Variants in ARID4B observed in about 807,000 individuals in gnomAD.
ARID4B encodes AT-rich interaction domain 4B, also known as AT-rich interactive domain-containing protein 4B.
Under a neutral mutation model 147.5 loss-of-function variants are expected in ARID4B, and 26 were observed. That is an observed-to-expected ratio of 0.18 (90% CI 0.13 to 0.24). ARID4B has a LOEUF of 0.24. Ranked by LOEUF, ARID4B falls within the 10% of genes least tolerant of loss-of-function variation. The probability of loss-of-function intolerance (pLI) is 1.00; values close to 1 mark genes in which losing one functional copy is unlikely to be tolerated. For missense variants in ARID4B, 1,179 were observed against 1,511.5 expected (o/e 0.78, Z 3.65); for synonymous variants, 512 against 507.9 (o/e 1.01, Z -0.11).
chr1:235,223,421 GTA>G (rs35086103), intron 12 of ARID4B, among the ~76,000 whole-genome samples, 161 bp from the exon 13 acceptor site: 58,050 of 135,534 alleles, frequency 0.43, 12,897 homozygotes, highest in South Asian at 0.6. Context: ...ACATATATAT[GTA>G]TATATATATA....
chr1:235,235,899 T>C (rs1233735643), intron 8 of ARID4B, among the ~76,000 whole-genome samples: 1 of 152,062 alleles, frequency 6.6e-6, no homozygotes, highest in Non-Finnish European at 1.5e-5. Context: ...TGCATGGTAG[T>C]TATTTATAGT....
At chr1:235,322,831 G>T (rs754827595) in intron 2 of ARID4B, among the ~76,000 whole-genome samples, 3 of 151,750 alleles carry the variant, frequency 2.0e-5, no homozygotes, top group East Asian at 3.9e-4. Context: ...GAACAGAGAG[G>T]GGGGAACGAA....
At chr1:235,298,517 A>T (rs1256932692) in intron 2 of ARID4B, among the ~76,000 whole-genome samples, 2 of 148,524 alleles carry the variant, frequency 1.3e-5, no homozygotes, top group African/African-American at 4.9e-5. Flanking sequence ...TATGAATATA[A>T]CGTATATTTA....
intron 2 of ARID4B, among the ~76,000 whole-genome samples, chr1:235,267,659 C>T (rs1670692773): frequency 6.6e-6 from 1 of 152,040 alleles, no homozygotes; most frequent in Admixed American, 6.6e-5. Flanking sequence ...GGTGAAACCC[C>T]GTCTCTACTA....
chr1:235,190,827 TC>T (rs925867271), intron 19 of ARID4B, among the ~76,000 whole-genome samples: 1 of 151,924 alleles, frequency 6.6e-6, no homozygotes, highest in African/African-American at 2.4e-5. Context: ...TTAAAGGAGA[TC>T]CCTAGAATGG....
chr1:235,315,464 T>C (rs1321474250), intron 2 of ARID4B, among the ~76,000 whole-genome samples: 1 of 152,232 alleles, frequency 6.6e-6, no homozygotes, highest in East Asian at 1.9e-4. Flanking sequence ...CTGTCCAAGA[T>C]ATAGTGTAAG....
intron 2 of ARID4B, among the ~76,000 whole-genome samples, chr1:235,313,713 C>T (rs112504298): frequency 2.2e-4 from 34 of 152,144 alleles, no homozygotes; most frequent in African/African-American, 7.7e-4. Context: ...CAAGGAAAGA[C>T]GGGAGCAAAT....
chr1:235,229,176 A>T (rs767047620), intron 11 of ARID4B, 55 bp downstream of exon 11: 4 of 1,572,484 alleles, frequency 2.5e-6, no homozygotes, highest in Non-Finnish European at 3.4e-6. Flanking sequence ...CTAACCCACA[A>T]GGGAAACCCA....
chr1:235,209,581 T>TTA (rs1666573652), intron 17 of ARID4B, among the ~76,000 whole-genome samples: 1 of 150,390 alleles, frequency 6.6e-6, no homozygotes. Flanking sequence ...TTTTTTTTTT[T>TTA]GAGATGGAGT....
At chr1:235,247,351 T>A (rs996980244) in intron 6 of ARID4B, among the ~76,000 whole-genome samples, 3 of 152,204 alleles carry the variant, frequency 2.0e-5, no homozygotes, top group African/African-American at 7.2e-5. Flanking sequence ...TAATGTAATA[T>A]GTAAAAAGAA....
At chr1:235,282,572 G>A (rs922927335) in intron 2 of ARID4B, among the ~76,000 whole-genome samples, 2 of 152,120 alleles carry the variant, frequency 1.3e-5, no homozygotes, top group African/African-American at 4.8e-5. Context: ...CACTGTTTCT[G>A]TGGATTTCTG....
intron 19 of ARID4B, among the ~76,000 whole-genome samples, chr1:235,192,617 A>G (rs3765792): frequency 0.27 from 41,454 of 151,638 alleles, 7,219 homozygotes; most frequent in South Asian, 0.53. Context: ...TTAACATTCA[A>G]AATAAGTAAA....
chr1:235,177,542 G>GGT (rs1663974503), intron 21 of ARID4B: 2 of 285,642 alleles, frequency 7.0e-6, no homozygotes, highest in South Asian at 1.7e-4. Context: ...TTGTTACATA[G>GGT]GTATACATGT....
chr1:235,197,483 T>C (rs553902412), intron 17 of ARID4B, among the ~76,000 whole-genome samples: 12 of 152,186 alleles, frequency 7.9e-5, no homozygotes, highest in Non-Finnish European at 1.8e-4. Context: ...TTGTAGCCAG[T>C]AAAAGCCAGA....
chr1:235,207,506 TATA>T (rs954504594), intron 17 of ARID4B, among the ~76,000 whole-genome samples: 9 of 152,142 alleles, frequency 5.9e-5, no homozygotes, highest in Non-Finnish European at 1.2e-4. Flanking sequence ...AAGAAGTGAT[TATA>T]ATAATAATGC....
At chr1:235,233,128 C>T (rs779870031) in intron 9 of ARID4B, among the ~76,000 whole-genome samples, 1 of 152,122 alleles carries the variant, frequency 6.6e-6, no homozygotes, top group Non-Finnish European at 1.5e-5. Flanking sequence ...TGAGCCACCG[C>T]GCCCAGCCTA....
intron 2 of ARID4B, among the ~76,000 whole-genome samples, chr1:235,313,490 G>A (rs1398831138): frequency 1.3e-5 from 2 of 151,850 alleles, no homozygotes; most frequent in African/African-American, 4.8e-5. Flanking sequence ...ACAGTCATTC[G>A]CCCTACCTGC....
At chr1:235,283,989 G>C (rs1174997244) in intron 2 of ARID4B, among the ~76,000 whole-genome samples, 1 of 151,844 alleles carries the variant, frequency 6.6e-6, no homozygotes, top group East Asian at 1.9e-4. Flanking sequence ...CGCCTGCCTC[G>C]GCCTCCCAAA....
chr1:235,306,955 A>G (rs1033529376), intron 2 of ARID4B, among the ~76,000 whole-genome samples: 1 of 152,170 alleles, frequency 6.6e-6, no homozygotes, highest in Non-Finnish European at 1.5e-5. Context: ...ACACTGTACC[A>G]TGCCAAATAA....
Sources: allele counts gnomAD v4.1 joint callset (sites outside exome capture counted in the v4.1 genomes callset), GRCh38; gene constraint gnomAD v4.1.1; transcripts MANE v1.5; gene names NCBI Gene and HGNC (gene_info 2026-07-23, HGNC 2026-07-21).